The following EYA1 variants were observed in gnomAD, a reference collection of about 807,000 sequenced individuals.
EYA1 encodes the protein EYA transcriptional coactivator and phosphatase 1.
Under a neutral mutation model 82.0 loss-of-function variants are expected in EYA1, and 16 were observed. The observed-to-expected ratio is 0.20, with a 90% CI of 0.13 to 0.30. EYA1 has a LOEUF of 0.30. Ranked by LOEUF, EYA1 falls within the 10% of genes least tolerant of loss-of-function variation. The pLI, the probability that EYA1 is intolerant of heterozygous loss-of-function variation, is 1.00. For synonymous variants in EYA1, 261 were observed against 264.4 expected (o/e 0.99, Z 0.12); for missense variants, 633 against 730.7 (o/e 0.87, Z 1.54).
intron 2 of EYA1, among the ~76,000 whole-genome samples, chr8:71,435,494 C>T (rs564956892): frequency 5.3e-5 from 8 of 151,808 alleles, no homozygotes; most frequent in South Asian, 4.2e-4. Flanking sequence ...GGTTTGTCTT[C>T]GGGATAAAAA....
At chr8:71,475,322 G>A (rs1809572763) in intron 2 of EYA1, among the ~76,000 whole-genome samples, 1 of 152,120 alleles carries the variant, frequency 6.6e-6, no homozygotes, top group Non-Finnish European at 1.5e-5. Context: ...GTTATGTCTG[G>A]GATGTGGGAC....
At chr8:71,448,025 T>TTTTTTTTTTTTTTTTAACGGAG (rs935912194) in intron 2 of EYA1, among the ~76,000 whole-genome samples, 4 of 116,736 alleles carry the variant, frequency 3.4e-5, no homozygotes, top group African/African-American at 1.4e-4. Context: ...TTTTTTTTTT[T>TTTTTTTTTTTTTTTTAACGGAG]TCTCGCTCCG....
intron 3 of EYA1, among the ~76,000 whole-genome samples, chr8:71,341,176 T>G (rs556708343): frequency 3.3e-5 from 5 of 152,234 alleles, no homozygotes; most frequent in Middle Eastern, 3.4e-3. Flanking sequence ...GTAAATAAAT[T>G]ACCATGAATT....
Position 71,299,065 on chromosome 8 carries a change from C to T in EYA1, c.808G>A (p.Val270Ile). 2 of 1,613,998 alleles carry T rather than the reference C, an allele frequency of 1.2e-6. No homozygotes were observed. The highest frequency in any genetic ancestry group is 1.7e-6 in the Non-Finnish European group (2 of 1,179,932). The change falls in exon 9 of 18, where the codon GTT becomes ATT. Residue 270 changes from valine to isoleucine, a missense_variant. Val to Ile is a conservative substitution (Grantham distance 29, BLOSUM62 3). Coordinates refer to ENST00000340726, the MANE Select transcript of EYA1 (RefSeq NM_000503.6). ...EPPSGITSQAVTDPTAEYSTI... is the reference protein window; with the variant it reads ...EPPSGITSQAITDPTAEYSTI... ...TAATTACCTGCTGTGGGATCTGTAACTGCTTGGCTGGTGATGCCAGATGGC... is the reference window on the plus strand; with the variant it reads ...TAATTACCTGCTGTGGGATCTGTAATTGCTTGGCTGGTGATGCCAGATGGC...
In EYA1 at chr8:71,539,040, A is replaced by C. The variant is rs141445496; in HGVS notation, c.-72-3192T>G. ...AGGGGTGCCCCTTGGAGTTGTACAC[A>C]GTGGAATCCTACCCTTCTATTCACC... On this transcript the variant is annotated intron_variant, in intron 1 of 18. Transcript: ENST00000643681. Among the ~76,000 whole-genome samples the C allele has an allele frequency of 2.7e-4, 41 of 152,206 alleles. No homozygotes were observed. The East Asian group carries it at 7.6e-3, about 28-fold the overall frequency.
chr8:71,316,973 T>C (rs1217708319), intron 7 of EYA1, among the ~76,000 whole-genome samples: 1 of 152,240 alleles, frequency 6.6e-6, no homozygotes, highest in African/African-American at 2.4e-5. Context: ...GTTTTGTCTA[T>C]ATTTTCAAAA....
intron 11 of EYA1, among the ~76,000 whole-genome samples, chr8:71,265,915 C>T (rs1362646849): frequency 1.3e-5 from 2 of 152,178 alleles, no homozygotes; most frequent in East Asian, 1.9e-4. Flanking sequence ...CTCTTTTGTC[C>T]CTATCACCTT....
At chr8:71,211,854 A>G (rs1417753912) in intron 16 of EYA1, among the ~76,000 whole-genome samples, 1 of 152,206 alleles carries the variant, frequency 6.6e-6, no homozygotes, top group African/African-American at 2.4e-5. Flanking sequence ...TCTCAAATAA[A>G]TGTCAGATAA....
At chr8:71,246,805 G>A (rs1449165641) in intron 11 of EYA1, among the ~76,000 whole-genome samples, 3 of 152,282 alleles carry the variant, frequency 2.0e-5, no homozygotes, top group Admixed American at 6.5e-5. Flanking sequence ...GGAGATGGGA[G>A]CGGAGCCTTG....
At position 71,334,537 on chromosome 8, in the gene EYA1, CAG is replaced by C. The variant is rs368846272; in HGVS notation, c.125-365_125-364del. ...TTGTGGAAAAAATCTGTTATTTGGT[CAG>C]AGTCAAAAGGATAGAACAGAAAGAT... is the stretch of plus-strand genomic sequence containing the variant. On this transcript the variant is annotated intron_variant, in intron 3 of 17. Transcript: ENST00000340726. Among the ~76,000 whole-genome samples the C allele has an allele frequency of 4.6e-3, 698 of 152,178 alleles. 6 individuals carry two copies. The highest frequency in any genetic ancestry group is 0.016 in the African/African-American group (659 of 41,516).
intron 2 of EYA1, among the ~76,000 whole-genome samples, chr8:71,411,912 A>G (rs1040157103): frequency 6.6e-6 from 1 of 151,038 alleles, no homozygotes; most frequent in Non-Finnish European, 1.5e-5. Flanking sequence ...TCATGCTTCT[A>G]TAAAGACACA....
At chr8:71,279,870 T>C (rs1586155895) in intron 9 of EYA1, among the ~76,000 whole-genome samples, 1 of 152,178 alleles carries the variant, frequency 6.6e-6, no homozygotes, top group African/African-American at 2.4e-5. Context: ...GGAGAGTTCC[T>C]ATACCCTAGA....
intron 1 of EYA1, among the ~76,000 whole-genome samples, chr8:71,359,007 T>C (rs1276508796): frequency 6.6e-6 from 1 of 152,082 alleles, no homozygotes; most frequent in Non-Finnish European, 1.5e-5. Context: ...CTTCTATGAG[T>C]GCAAAAATAT....
intron 3 of EYA1, among the ~76,000 whole-genome samples, chr8:71,340,990 T>C (rs1825062532): frequency 6.6e-6 from 1 of 152,228 alleles, no homozygotes; most frequent in Non-Finnish European, 1.5e-5. Context: ...TCCCTCCAAA[T>C]CATCACTCAG....
intron 4 of EYA1, 88 bp downstream of exon 4, chr8:71,334,009 G>A (rs2129046853): frequency 2.3e-6 from 2 of 881,980 alleles, no homozygotes; most frequent in Non-Finnish European, 1.9e-6. Flanking sequence ...ACATATACAT[G>A]TATACATATA....
chr8:71,341,883 C>T (rs746666429), intron 3 of EYA1, among the ~76,000 whole-genome samples: 4 of 152,144 alleles, frequency 2.6e-5, no homozygotes, highest in Admixed American at 6.6e-5. Flanking sequence ...ACCTGCTATT[C>T]ATGGAAAGTA....
chr8:71,425,119 A>AAAG (rs1831354990), intron 2 of EYA1, among the ~76,000 whole-genome samples: 2 of 149,530 alleles, frequency 1.3e-5, no homozygotes, highest in African/African-American at 4.9e-5. Context: ...AAAAAAAAAA[A>AAAG]AAAAAAAAAA....
intron 3 of EYA1, among the ~76,000 whole-genome samples, chr8:71,340,995 A>G (rs568036748): frequency 1.3e-5 from 2 of 152,264 alleles, no homozygotes; most frequent in East Asian, 3.9e-4. Context: ...CCAAATCATC[A>G]CTCAGTCTAC....
intron 2 of EYA1, among the ~76,000 whole-genome samples, chr8:71,444,644 G>A (rs542816273): frequency 5.9e-5 from 9 of 152,298 alleles, no homozygotes; most frequent in Non-Finnish European, 2.9e-5. Flanking sequence ...AGGTGACTGA[G>A]CATCCGTATG....
Sources: allele counts gnomAD v4.1 joint callset (sites outside exome capture counted in the v4.1 genomes callset), GRCh38; gene constraint gnomAD v4.1.1; transcripts MANE v1.5; gene names NCBI Gene and HGNC (gene_info 2026-07-23, HGNC 2026-07-21).